The following UGT1A8 variants were observed in gnomAD, a reference collection of about 807,000 sequenced individuals.
UGT1A8 encodes the protein UDP glucuronosyltransferase family 1 member A8, also known as UDP-glucuronosyltransferase 1A8.
A neutral mutation model predicts 45.3 loss-of-function variants in UGT1A8; 39 were observed. The ratio of observed to expected loss-of-function variants is 0.86; its 90% CI spans 0.67 to 1.12. The LOEUF (loss-of-function observed/expected upper bound fraction) is 1.12. Ranked by LOEUF, UGT1A8 falls within the 50% of genes most tolerant of loss-of-function variation. The pLI is 0.00. For synonymous variants in UGT1A8, 275 were observed against 249.2 expected, an observed-to-expected ratio of 1.10 and a Z score of -0.97; for missense variants, 719 against 664.9, an observed-to-expected ratio of 1.08 and a Z score of -0.90.
At chr2:233,618,870 A>G (rs957595679) in intron 1 of UGT1A8, among the ~76,000 whole-genome samples, 1 of 152,126 alleles carries the variant, frequency 6.6e-6, no homozygotes, top group Non-Finnish European at 1.5e-5. Flanking sequence ...TGCTAATTCT[A>G]TGTGACCCCC....
intron 1 of UGT1A8, among the ~76,000 whole-genome samples, chr2:233,686,795 T>A (rs1401405195): frequency 2.6e-5 from 4 of 152,090 alleles, no homozygotes; most frequent in African/African-American, 9.7e-5. Flanking sequence ...TCTTTCCACC[T>A]CCCCTGTTAC....
intron 1 of UGT1A8, among the ~76,000 whole-genome samples, chr2:233,673,017 G>A (rs2074248494): frequency 6.6e-6 from 1 of 152,076 alleles, no homozygotes; most frequent in Non-Finnish European, 1.5e-5. Flanking sequence ...AACATATTCA[G>A]CCTACATTTT....
At chr2:233,764,281 G>A (rs537961109) in intron 1 of UGT1A8, among the ~76,000 whole-genome samples, 5 of 152,204 alleles carry the variant, frequency 3.3e-5, no homozygotes, top group South Asian at 2.1e-4. Context: ...TGGTCATTCC[G>A]GTAACTGTGA....
chr2:233,725,495 C>A (rs1341757937), intron 1 of UGT1A8, among the ~76,000 whole-genome samples: 1 of 151,610 alleles, frequency 6.6e-6, no homozygotes, highest in Non-Finnish European at 1.5e-5. Flanking sequence ...AAAAAGAAAC[C>A]ACTGAAATTA....
intron 1 of UGT1A8, chr2:233,760,526 C>T (rs2125985458): frequency 3.7e-6 from 6 of 1,614,242 alleles, no homozygotes; most frequent in Non-Finnish European, 5.1e-6. Context: ...AAGACGTACC[C>T]TGTGCCATTC....
At chr2:233,713,969 C>G (rs2076358938) in intron 1 of UGT1A8, 1 of 1,602,230 alleles carries the variant, frequency 6.2e-7, no homozygotes. Flanking sequence ...GATTTCATTT[C>G]TGCTTCTCAT....
At chr2:233,700,836 AG>A (rs1445397455) in intron 1 of UGT1A8, among the ~76,000 whole-genome samples, 2 of 152,118 alleles carry the variant, frequency 1.3e-5, no homozygotes, top group Non-Finnish European at 2.9e-5. Flanking sequence ...CTCGTCATTT[AG>A]CATTAGGTAT....
intron 1 of UGT1A8, among the ~76,000 whole-genome samples, chr2:233,648,623 G>A (rs1017969780): frequency 1.7e-3 from 3 of 1,748 alleles, no homozygotes; most frequent in Non-Finnish European, 3.6e-3. Context: ...ACCACGCCTG[G>A]CTAATTTTTT....
intron 1 of UGT1A8, among the ~76,000 whole-genome samples, chr2:233,651,090 C>G (rs2073728468): frequency 1.3e-5 from 2 of 152,190 alleles, no homozygotes; most frequent in Non-Finnish European, 2.9e-5. Context: ...TCAAGTGAGG[C>G]ATGGCTTTCA....
chr2:233,647,203 C>T (rs1286417019), intron 1 of UGT1A8, among the ~76,000 whole-genome samples: 1 of 152,228 alleles, frequency 6.6e-6, no homozygotes, highest in African/African-American at 2.4e-5. Flanking sequence ...CAGGTTCCTT[C>T]CATGACACGT....
chr2:233,753,997 G>A (rs1199006264), intron 1 of UGT1A8, among the ~76,000 whole-genome samples: 1 of 152,188 alleles, frequency 6.6e-6, no homozygotes, highest in East Asian at 1.9e-4. Flanking sequence ...CCAAGTTTGG[G>A]TAATTTGTTA....
chr2:233,705,833 C>A (rs915135173), intron 1 of UGT1A8, among the ~76,000 whole-genome samples: 3 of 152,118 alleles, frequency 2.0e-5, no homozygotes, highest in African/African-American at 7.2e-5. Flanking sequence ...AGCACAGTGG[C>A]TGGAGCTGAA....
At chr2:233,764,328 G>A (rs35377848) in intron 1 of UGT1A8, among the ~76,000 whole-genome samples, 4 of 152,284 alleles carry the variant, frequency 2.6e-5, no homozygotes, top group East Asian at 3.9e-4. Flanking sequence ...TTGCCAAGTA[G>A]GGGATGGACT....
In UGT1A8 at chr2:233,769,857, CAA is replaced by C. The variant is rs879204025; in HGVS notation, c.1295+1434_1295+1435del. The C allele has an allele frequency of 0.032, 7,144 of 220,908 alleles. No individual in the cohort carries two copies. The highest frequency in any genetic ancestry group is 0.048 in the South Asian group (428 of 8,924). The allele number at this position is 220,908 out of a possible 1,614,324, so 13.7% of individuals were successfully genotyped here. Reference sequence around the variant, plus strand: ...TGGGCAACAGAGTGAGACCCTGTCTCAAAAAAAAAAAAAAAAATGAAAAGTCC... The same window carrying C: ...TGGGCAACAGAGTGAGACCCTGTCTCAAAAAAAAAAAAAAATGAAAAGTCC... On this transcript the variant is annotated intron_variant, in intron 4 of 4. Transcript: ENST00000373450. The surrounding 1 kb of genome is among the most constrained non-coding windows in gnomAD (Gnocchi z 4.4).
intron 1 of UGT1A8, chr2:233,744,007 G>A: frequency 8.6e-7 from 1 of 1,163,688 alleles, no homozygotes; most frequent in Non-Finnish European, 1.1e-6. Flanking sequence ...TCGGAGACCT[G>A]GGCCGCCTGG....
rs866500462 is a variant in UGT1A8 at position 233,723,536 on chromosome 2, T to A, written c.856-43498T>A. On this transcript the variant is annotated intron_variant, in intron 1 of 4. Transcript: ENST00000373450. ...ACAATCTTTTTTTTTTTTTTTTTTTTAATTTATTTTTTTATTGATAATTCT... is the reference window on the plus strand; with the variant it reads ...ACAATCTTTTTTTTTTTTTTTTTTTAAATTTATTTTTTTATTGATAATTCT... Among the ~76,000 whole-genome samples the A allele has an allele frequency of 8.1e-4, 98 of 121,464 alleles. 4 individuals are homozygous for A. The highest frequency in any genetic ancestry group is 1.3e-3 in the African/African-American group (39 of 29,948). 79.7% of individuals were successfully genotyped at this position (121,464 alleles called of 152,430 possible). A position where few individuals can be genotyped will look rare whatever the true frequency, so the allele number is the denominator to read the frequency against.
At chr2:233,690,802 A>T in intron 1 of UGT1A8, 1 of 1,100,996 alleles carries the variant, frequency 9.1e-7, no homozygotes, top group East Asian at 7.4e-5. Context: ...CACACACACC[A>T]TTCTTAGTAC....
intron 1 of UGT1A8, among the ~76,000 whole-genome samples, chr2:233,711,237 C>T (rs1027973680): frequency 3.3e-5 from 5 of 152,218 alleles, no homozygotes; most frequent in African/African-American, 7.2e-5. Flanking sequence ...GAAGGCACCA[C>T]CATCTTCCAA....
intron 1 of UGT1A8, among the ~76,000 whole-genome samples, chr2:233,722,899 G>T (rs1015320069): frequency 7.8e-6 from 1 of 128,092 alleles, no homozygotes; most frequent in South Asian, 3.1e-4. Flanking sequence ...AGTGGAAGTG[G>T]ATCATCATAA....
Sources: allele counts gnomAD v4.1 joint callset (sites outside exome capture counted in the v4.1 genomes callset), GRCh38; gene constraint gnomAD v4.1.1; non-coding constraint Gnocchi (gnomAD v3.1); transcripts MANE v1.5; gene names NCBI Gene and HGNC (gene_info 2026-07-23, HGNC 2026-07-21).